The following MED12L variants were observed in gnomAD, a reference collection of about 807,000 sequenced individuals.
The protein encoded by MED12L is mediator of RNA polymerase II transcription subunit 12-like protein.
MED12L carries 60 observed loss-of-function variants against 281.3 expected under a neutral mutation model. The ratio of observed to expected loss-of-function variants is 0.21; its 90% CI spans 0.17 to 0.26. The LOEUF is 0.26. Among genes scored for constraint, MED12L ranks in the 10% least tolerant of loss-of-function variants. The pLI, the probability that MED12L is intolerant of heterozygous loss-of-function variation, is 1.00. For missense variants in MED12L, 2,146 were observed against 2,680.9 expected, an observed-to-expected ratio of 0.80 and a Z score of 4.41; for synonymous variants, 974 against 987.2, an observed-to-expected ratio of 0.99 and a Z score of 0.25.
intron 16 of MED12L, among the ~76,000 whole-genome samples, chr3:151,201,963 A>T (rs1340472610): frequency 6.6e-6 from 1 of 152,236 alleles, no homozygotes; most frequent in Admixed American, 6.5e-5. Flanking sequence ...TGAGACGTAT[A>T]TGGTAAAGAG....
At chr3:151,214,049 T>G in intron 16 of MED12L, 1 of 1,614,112 alleles carries the variant, frequency 6.2e-7, no homozygotes, top group East Asian at 2.2e-5. Context: ...ACAAACACGT[T>G]CAGCTGCCAG....
chr3:151,243,650 C>T (rs1447925222), intron 16 of MED12L, among the ~76,000 whole-genome samples: 7 of 151,806 alleles, frequency 4.6e-5, no homozygotes, highest in South Asian at 2.1e-4. Context: ...TGGTACCAGC[C>T]GCTGCAAAAT....
At chr3:151,242,326 C>T (rs1734331460) in intron 16 of MED12L, among the ~76,000 whole-genome samples, 4 of 152,234 alleles carry the variant, frequency 2.6e-5, no homozygotes, top group African/African-American at 9.6e-5. Flanking sequence ...GGGCAGGGCA[C>T]AGACAAACAA....
At chr3:151,388,409 C>T (rs1280006705) in intron 37 of MED12L, among the ~76,000 whole-genome samples, 1 of 152,154 alleles carries the variant, frequency 6.6e-6, no homozygotes, top group Non-Finnish European at 1.5e-5. Context: ...TTGTAGGCTT[C>T]CATTGTAATA....
chr3:151,193,204 C>T (rs377580007), intron 15 of MED12L, among the ~76,000 whole-genome samples: 6 of 152,252 alleles, frequency 3.9e-5, no homozygotes, highest in East Asian at 3.9e-4. Context: ...AACACTTACC[C>T]ATAATTCTGC....
intron 16 of MED12L, among the ~76,000 whole-genome samples, chr3:151,330,928 C>T (rs990765820): frequency 1.3e-5 from 2 of 152,068 alleles, no homozygotes; most frequent in African/African-American, 2.4e-5. Flanking sequence ...GAAATTTAAC[C>T]TACAAAATTA....
intron 31 of MED12L, among the ~76,000 whole-genome samples, chr3:151,379,646 T>C (rs543968545): frequency 6.6e-6 from 1 of 152,274 alleles, no homozygotes; most frequent in Non-Finnish European, 1.5e-5. Context: ...TTGGGAAATG[T>C]GCTGAAAAAC....
chr3:151,398,741 T>C (rs949214711), intron 39 of MED12L, among the ~76,000 whole-genome samples: 4 of 152,214 alleles, frequency 2.6e-5, no homozygotes, highest in African/African-American at 7.2e-5. Context: ...ACCCTGCTTA[T>C]CCACAGGGAA....
In MED12L at chr3:151,368,140, C is replaced by T. The variant is rs1466070545; in HGVS notation, c.3449-10C>T. 1.9e-6 allele frequency: 3 copies of T among 1,612,124 alleles called. No homozygotes were observed. Among genetic ancestry groups the T allele is most frequent in the East Asian group, 2.2e-5 (1 of 44,848 alleles). ...TTAGAAAACTTGCTTTTCCAATCCC[C>T]CTTTCCTAGCTTGTGGGGATGCGGA... On this transcript the variant is annotated splice_polypyrimidine_tract_variant and intron_variant, in intron 24 of 44. Transcript: ENST00000687756.
chr3:151,349,218 C>T (rs1276415676), intron 16 of MED12L, among the ~76,000 whole-genome samples: 1 of 151,994 alleles, frequency 6.6e-6, no homozygotes, highest in Non-Finnish European at 1.5e-5. Flanking sequence ...CATATGCTTT[C>T]GTTATGCTGT....
At chr3:151,155,554 G>C (rs1360850073) in intron 5 of MED12L, among the ~76,000 whole-genome samples, 1 of 152,184 alleles carries the variant, frequency 6.6e-6, no homozygotes, top group Non-Finnish European at 1.5e-5. Context: ...AGCCATGCGG[G>C]TGTCCCTGAC....
chr3:151,408,686 A>G (rs1200671048), intron 39 of MED12L, among the ~76,000 whole-genome samples: 1 of 152,238 alleles, frequency 6.6e-6, no homozygotes, highest in Non-Finnish European at 1.5e-5. Flanking sequence ...GTTGGTTGGA[A>G]TTATGTTTGC....
intron 16 of MED12L, among the ~76,000 whole-genome samples, chr3:151,285,465 G>T (rs111907431): frequency 0.02 from 2,997 of 152,002 alleles, 93 homozygotes; most frequent in African/African-American, 0.07. Context: ...TCCAGCCTGG[G>T]TGACAGAGTG....
chr3:151,271,236 A>C (rs1740888478), intron 16 of MED12L, among the ~76,000 whole-genome samples: 1 of 152,228 alleles, frequency 6.6e-6, no homozygotes, highest in African/African-American at 2.4e-5. Flanking sequence ...TCACAAAGGA[A>C]GCTGTTTGGT....
rs113838866 is a variant in MED12L, at chr3:151,352,615, A to C, written c.2398+2409A>C. ...TAGCATGTATTTGATTTCTGGGAAC[A>C]CATGAAAATAATATTTTGAGGAACC... On this transcript the variant is annotated intron_variant, in intron 17 of 44. Coordinates refer to ENST00000687756, the MANE Select transcript of MED12L (RefSeq NM_001393769.1). 1.1e-4 allele frequency among the ~76,000 whole-genome samples: 15 copies of C among 138,236 alleles called. 2 individuals carry two copies. Among genetic ancestry groups the C allele is most frequent in the African/African-American group, 4.2e-4 (15 of 35,900 alleles). The allele number at this position is 138,236 out of a possible 152,430, so 90.7% of individuals were successfully genotyped here.
intron 36 of MED12L, among the ~76,000 whole-genome samples, 193 bp from the exon 37 acceptor site, chr3:151,387,617 C>T (rs533752587): frequency 3.3e-5 from 5 of 152,172 alleles, no homozygotes; most frequent in South Asian, 2.1e-4. Context: ...ACTGTAGAAC[C>T]GGGCTTACAA....
At chr3:151,239,963 G>A (rs191145019) in intron 16 of MED12L, among the ~76,000 whole-genome samples, 96 of 151,994 alleles carry the variant, frequency 6.3e-4, no homozygotes, top group Middle Eastern at 3.4e-3. Context: ...GTTTTCTTGA[G>A]CATTTTTAAG....
chr3:151,350,466 G>C (rs1382082099), intron 17 of MED12L, among the ~76,000 whole-genome samples: 2 of 151,872 alleles, frequency 1.3e-5, no homozygotes, highest in Non-Finnish European at 2.9e-5. Context: ...GGTAGGTGTA[G>C]GTAATTTATT....
intron 16 of MED12L, among the ~76,000 whole-genome samples, chr3:151,227,083 A>G (rs1279946106): frequency 1.5e-4 from 23 of 152,194 alleles, no homozygotes; most frequent in Non-Finnish European, 2.9e-5. Context: ...ACTTGATCCT[A>G]ACTCCTGCTG....
Sources: allele counts gnomAD v4.1 joint callset (sites outside exome capture counted in the v4.1 genomes callset), GRCh38; gene constraint gnomAD v4.1.1; transcripts MANE v1.5; gene names NCBI Gene and HGNC (gene_info 2026-07-23, HGNC 2026-07-21).